Variants in RFX1 observed in about 807,000 individuals in gnomAD.
RFX1 encodes regulatory factor X1.
RFX1 carries 42 observed loss-of-function variants against 119.6 expected under a neutral mutation model. That is an observed-to-expected ratio of 0.35 (90% CI 0.27 to 0.45). The LOEUF is 0.45. Ranked by LOEUF, RFX1 falls within the 20% of genes least tolerant of loss-of-function variation. RFX1 has a pLI of 1.00. For missense variants in RFX1, 1,118 were observed against 1,368.1 expected, an observed-to-expected ratio of 0.82 and a Z score of 2.88; for synonymous variants, 628 against 618.5, an observed-to-expected ratio of 1.02 and a Z score of -0.23.
In RFX1 at chr19:13,986,180, C is replaced by T. The variant is rs1018726548; in HGVS notation, c.320-2585G>A. 6.6e-6 allele frequency among the ~76,000 whole-genome samples: 1 copy of T among 152,190 alleles called. No individual in the cohort carries two copies. The highest frequency in any genetic ancestry group is 1.5e-5 in the Non-Finnish European group (1 of 68,022). On this transcript the variant is annotated intron_variant, in intron 2 of 20. Coordinates refer to ENST00000254325, the MANE Select transcript of RFX1 (RefSeq NM_002918.5). The surrounding 1 kb of genome is among the most constrained non-coding windows in gnomAD (Gnocchi z 4.2). ...TGGGGTCCAAGGACTCAGGCCCAGCCTAAGGGATGGTGTCTCACCCAGGAA... is the reference window on the plus strand; with the variant it reads ...TGGGGTCCAAGGACTCAGGCCCAGCTTAAGGGATGGTGTCTCACCCAGGAA...
chr19:13,999,827 C>G (rs558846624), intron 1 of RFX1, among the ~76,000 whole-genome samples: 116 of 152,284 alleles, frequency 7.6e-4, no homozygotes, highest in African/African-American at 2.7e-3. Flanking sequence ...AGGTGCCCAC[C>G]ACCATGCCTG....
At chr19:13,973,638 A>G (rs1974162615) in intron 8 of RFX1, among the ~76,000 whole-genome samples, 1 of 151,816 alleles carries the variant, frequency 6.6e-6, no homozygotes, top group South Asian at 2.1e-4. Context: ...TTATTTATTT[A>G]TTTACTTATT....
rs779546732 is a variant in RFX1 at position 13,965,484 on chromosome 19, T to G, written c.2176A>C (p.Met726Leu). The change falls in exon 16 of 21, where the codon ATG becomes CTG. Residue 726 changes from methionine (M) to leucine (L), a missense_variant. Physicochemically the swap from Met to Leu is conservative, Grantham distance 15. Around this residue, in one of 5 missense-constraint regions of RFX1, gnomAD observed 338 missense variants for 508.9 expected, o/e 0.66. Coordinates refer to ENST00000254325, the MANE Select transcript of RFX1 (RefSeq NM_002918.5). The surrounding 1 kb of genome is among the most constrained non-coding windows in gnomAD (Gnocchi z 4.7). ...KSLESWLTHA[M>L]VNIPEEMLRV... ...AGCATCTCCTCGGGGATGTTGACCATGGCGTGGGTGAGCCAGCTCTCCAGG... is the reference window on the plus strand; with the variant it reads ...AGCATCTCCTCGGGGATGTTGACCAGGGCGTGGGTGAGCCAGCTCTCCAGG... The G allele has an allele frequency of 5.6e-6, 9 of 1,613,402 alleles. No individual in the cohort carries two copies. The highest frequency in any genetic ancestry group is 4.2e-6 in the Non-Finnish European group (5 of 1,179,834).
intron 8 of RFX1, among the ~76,000 whole-genome samples, chr19:13,977,253 C>T (rs1324614212): frequency 1.3e-5 from 2 of 150,972 alleles, no homozygotes; most frequent in Non-Finnish European, 2.9e-5. Context: ...CGAGATCACA[C>T]CACTGCACTC....
chr19:13,964,243 G>T (rs1345405708), intron 16 of RFX1, among the ~76,000 whole-genome samples: 1 of 152,118 alleles, frequency 6.6e-6, no homozygotes, highest in Non-Finnish European at 1.5e-5. Flanking sequence ...AATATTCTTT[G>T]AAATTTATTT....
rs752202138 is a variant in RFX1, at chr19:13,980,637, G to A, written c.674C>T (p.Thr225Met). The A allele has an allele frequency of 3.8e-6, 6 of 1,587,062 alleles. No individual in the cohort carries two copies. The highest frequency in any genetic ancestry group is 1.1e-5 in the South Asian group (1 of 88,448). ...CTGCAGCTGCTGTGGCACTGTGCCCGTGGGGGCCCCGGCTGTCTTGCTGGA... is the reference window on the plus strand; with the variant it reads ...CTGCAGCTGCTGTGGCACTGTGCCCATGGGGGCCCCGGCTGTCTTGCTGGA... ...SSSSKTAGAP[T>M]GTVPQQLQVH... Residue 225 changes from threonine (T) to methionine (M), a missense_variant, in exon 6 of 21, where the codon ACG (threonine) becomes ATG (methionine). Physicochemically the swap from Thr to Met is moderately conservative, Grantham distance 81. Coordinates refer to ENST00000254325, the MANE Select transcript of RFX1 (RefSeq NM_002918.5). The surrounding 1 kb of genome is among the most constrained non-coding windows in gnomAD (Gnocchi z 5.1).
rs185529845 is a variant in RFX1, at chr19:13,971,310, T to C, written c.1315-1135A>G. Among the ~76,000 whole-genome samples the C allele has an allele frequency of 5.0e-4, 76 of 151,988 alleles. No homozygotes were observed. The East Asian group carries it at 0.012, about 24-fold the overall frequency. On this transcript the variant is annotated intron_variant, in intron 9 of 20. Transcript: ENST00000254325. The stretch of plus-strand genomic sequence containing the variant: ...GAGATTGCGCCACTGCACTCCAGTC[T>C]GGGTGACAAGAGCAAAACTCCATCT...
intron 1 of RFX1, among the ~76,000 whole-genome samples, chr19:13,994,895 TA>T (rs1485406328): frequency 8.4e-5 from 1 of 11,868 alleles, no homozygotes; most frequent in Non-Finnish European, 1.9e-4. Context: ...TATACATACA[TA>T]TATATATATA....
At chr19:13,982,851 G>A (rs947338984) in intron 4 of RFX1, among the ~76,000 whole-genome samples, 4 of 152,208 alleles carry the variant, frequency 2.6e-5, no homozygotes, top group Non-Finnish European at 5.9e-5. Context: ...GCCTTCTGGG[G>A]GACAGACCAC....
chr19:13,983,229 G>A lies in RFX1; in HGVS notation c.471C>T (p.His157=), dbSNP rs1356107269. 3 of 1,579,832 alleles carry A rather than the reference G, an allele frequency of 1.9e-6. No homozygotes were observed. The highest frequency in any genetic ancestry group is 1.3e-5 in the African/African-American group (1 of 74,464). ...VQTSVQAKPG[H]VSPLQLTNIQ... Reference sequence around the variant, plus strand: ...TGTTGGTCAGCTGGAGGGGCGACACGTGGCCTGGCTTGGCCTGCACGCTCG... The same window carrying A: ...TGTTGGTCAGCTGGAGGGGCGACACATGGCCTGGCTTGGCCTGCACGCTCG... The change falls in exon 4 of 21, where the codon CAC becomes CAT. Residue 157 remains histidine (H), a synonymous_variant. Transcript: ENST00000254325.
chr19:13,966,385 C>T lies in RFX1; in HGVS notation c.1961+36G>A. ...TCACCTGCGGGTCATGCCCTCCTCCCCCCTCTCCCTCCCACAGTCGCCGGG... is the reference window on the plus strand; with the variant it reads ...TCACCTGCGGGTCATGCCCTCCTCCTCCCTCTCCCTCCCACAGTCGCCGGG... On this transcript the variant is annotated intron_variant, in intron 14 of 20. Transcript: ENST00000254325. The surrounding 1 kb of genome is among the most constrained non-coding windows in gnomAD (Gnocchi z 6.3). The T allele has an allele frequency of 1.4e-6, 2 of 1,395,338 alleles. No homozygotes were observed. Among genetic ancestry groups the T allele is most frequent in the Non-Finnish European group, 1.0e-6 (1 of 982,636 alleles). 86.4% of individuals were successfully genotyped at this position (1,395,338 alleles called of 1,614,324 possible). A position where few individuals can be genotyped will look rare whatever the true frequency, so the allele number is the denominator to read the frequency against.
chr19:14,006,029 T>A (rs1034646426), intron 1 of RFX1, 74 bp downstream of exon 1: 1 of 150,488 alleles, frequency 6.6e-6, no homozygotes, highest in Non-Finnish European at 1.5e-5. Context: ...GGACTGTGAT[T>A]ACAGAGACAC....
At chr19:13,979,361 T>A (rs1974356226) in intron 7 of RFX1, 86 bp downstream of exon 7, 1 of 869,048 alleles carries the variant, frequency 1.2e-6, no homozygotes. Context: ...GGCATTTCCC[T>A]CCCTGCGGCC....
intron 8 of RFX1, among the ~76,000 whole-genome samples, chr19:13,977,168 G>C (rs879886395): frequency 3.3e-4 from 50 of 151,488 alleles, no homozygotes; most frequent in Non-Finnish European, 5.3e-4. Context: ...GGTGGTGTGT[G>C]CCTGTAATCC....
intron 4 of RFX1, 196 bp downstream of exon 4, chr19:13,982,991 C>G: frequency 1.7e-6 from 1 of 572,628 alleles, no homozygotes; most frequent in Non-Finnish European, 3.1e-6. Flanking sequence ...GCTCCTGCAG[C>G]TCCTCTGTCC....
chr19:13,983,652 C>A, intron 2 of RFX1, 57 bp from the exon 3 acceptor site: 3 of 1,415,036 alleles, frequency 2.1e-6, no homozygotes, highest in Non-Finnish European at 2.9e-6. Context: ...CCAGCCTAAG[C>A]CTGAGCCCCC....
intron 12 of RFX1, among the ~76,000 whole-genome samples, chr19:13,967,407 C>T (rs926406692): frequency 2.0e-5 from 3 of 151,812 alleles, no homozygotes; most frequent in African/African-American, 7.3e-5. Context: ...AACTCCTGGA[C>T]TCAAGCAATT....
chr19:13,975,160 A>G (rs1407232837), intron 8 of RFX1, among the ~76,000 whole-genome samples: 2 of 151,952 alleles, frequency 1.3e-5, no homozygotes, highest in Non-Finnish European at 2.9e-5. Flanking sequence ...GTTCAAGACC[A>G]GCCTGGCCAA....
At chr19:13,971,673 C>T (rs1455501135) in intron 9 of RFX1, among the ~76,000 whole-genome samples, 1 of 152,058 alleles carries the variant, frequency 6.6e-6, no homozygotes, top group African/African-American at 2.4e-5. Context: ...GATTTTGAGA[C>T]CAGCCTAGGC....
Sources: gnomAD v4.1 joint callset for allele counts (sites outside exome capture counted in the v4.1 genomes callset) on GRCh38, gnomAD v4.1.1 for gene constraint, gnomAD v4.1.1 regional missense constraint, Gnocchi (gnomAD v3.1) non-coding constraint, MANE v1.5 for transcripts, NCBI Gene and HGNC (gene_info 2026-07-23, HGNC 2026-07-21) for gene names.